Variants in ATP10B observed in about 807,000 individuals in gnomAD.
ATP10B encodes phospholipid-transporting ATPase VB.
ATP10B carries 122 observed loss-of-function variants against 141.2 expected under a neutral mutation model. The ratio of observed to expected loss-of-function variants is 0.86; its 90% CI spans 0.75 to 1.00. The LOEUF is 1.00. Ranked by LOEUF, ATP10B falls within the 50% of genes least tolerant of loss-of-function variation. ATP10B has a pLI of 0.00. For missense variants in ATP10B, 1,876 were observed against 1,825.3 expected (o/e 1.03, Z -0.51); for synonymous variants, 685 against 692.0 (o/e 0.99, Z 0.16).
At chr5:160,758,940 A>C (rs1047729787) in intron 2 of ATP10B, among the ~76,000 whole-genome samples, 7 of 152,230 alleles carry the variant, frequency 4.6e-5, no homozygotes, top group African/African-American at 1.7e-4. Context: ...GCCATGGTAC[A>C]TGATTTTCTT....
intron 2 of ATP10B, among the ~76,000 whole-genome samples, chr5:160,783,594 CACAT>C (rs1326505152): frequency 0.011 from 1,222 of 111,070 alleles, 11 homozygotes; most frequent in African/African-American, 0.028. Flanking sequence ...CACACACACA[CACAT>C]ACACACACAC....
chr5:160,733,692 CAT>C (rs33952685), intron 2 of ATP10B, among the ~76,000 whole-genome samples: 36,982 of 137,648 alleles, frequency 0.27, 4,718 homozygotes, highest in East Asian at 0.49. Context: ...TACACACACA[CAT>C]ATATATATAT....
At chr5:160,600,910 G>A (rs188422297) in intron 21 of ATP10B, among the ~76,000 whole-genome samples, 2 of 152,118 alleles carry the variant, frequency 1.3e-5, no homozygotes, top group Non-Finnish European at 2.9e-5. Context: ...CATTAGTATC[G>A]CAATTTTGAG....
chr5:160,705,477 C>T lies in ATP10B; in HGVS notation c.-205+11432G>A, dbSNP rs1764956426. Among the ~76,000 whole-genome samples, 3 of 152,094 alleles carry T rather than the reference C, an allele frequency of 2.0e-5. No individual in the cohort carries two copies. The South Asian group carries it at 6.2e-4, about 32-fold the overall frequency. On this transcript the variant is annotated intron_variant, in intron 3 of 25. Coordinates refer to ENST00000327245, the MANE Select transcript of ATP10B (RefSeq NM_025153.3). Reference sequence around the variant, plus strand: ...CTCCTGGGCTAAAGCAATCTGCCCACCTTGGGATTACAAGTGTGATTACAA... The same window carrying T: ...CTCCTGGGCTAAAGCAATCTGCCCATCTTGGGATTACAAGTGTGATTACAA...
chr5:160,859,277 G>A, the ATP10B span, among the ~76,000 whole-genome samples: 14 of 151,664 alleles, frequency 9.2e-5, no homozygotes, highest in Non-Finnish European at 1.6e-4. Flanking sequence ...AAATATTTTT[G>A]TACTTCCTTC....
chr5:160,689,140 T>A (rs1396750914), intron 3 of ATP10B, among the ~76,000 whole-genome samples, 197 bp from the exon 4 acceptor site: 1 of 152,216 alleles, frequency 6.6e-6, no homozygotes, highest in Non-Finnish European at 1.5e-5. Flanking sequence ...TATGATTACC[T>A]CAATAGATGC....
intron 24 of ATP10B, among the ~76,000 whole-genome samples, chr5:160,572,219 G>T (rs143952264): frequency 6.6e-6 from 1 of 151,398 alleles, no homozygotes; most frequent in East Asian, 1.9e-4. Context: ...AAGTTATCCA[G>T]TATTTTTTGT....
At chr5:160,795,444 T>G (rs138451287) in intron 1 of ATP10B, among the ~76,000 whole-genome samples, 166 of 152,260 alleles carry the variant, frequency 1.1e-3, no homozygotes, top group African/African-American at 3.6e-3. Context: ...CTGGCCCCTT[T>G]GTTTTCTAGC....
intron 1 of ATP10B, among the ~76,000 whole-genome samples, chr5:160,835,310 G>T (rs28525115): frequency 6.6e-6 from 1 of 152,114 alleles, no homozygotes; most frequent in African/African-American, 2.4e-5. Flanking sequence ...AACAAGCTGA[G>T]ATGTATAGCT....
At chr5:160,596,017 A>G (rs1035632733) in intron 22 of ATP10B, among the ~76,000 whole-genome samples, 1 of 152,054 alleles carries the variant, frequency 6.6e-6, no homozygotes, top group African/African-American at 2.4e-5. Flanking sequence ...ATAGAAAAAG[A>G]GGGAATCCTC....
chr5:160,772,196 TAC>T (rs1407335622), intron 2 of ATP10B, among the ~76,000 whole-genome samples: 1 of 152,252 alleles, frequency 6.6e-6, no homozygotes, highest in African/African-American at 2.4e-5. Context: ...GGAACCTCCA[TAC>T]AGTTTTCCAC....
intron 22 of ATP10B, among the ~76,000 whole-genome samples, chr5:160,596,725 C>T (rs1243231705): frequency 2.0e-5 from 3 of 152,024 alleles, no homozygotes; most frequent in Non-Finnish European, 4.4e-5. Context: ...GTGCGAAAAT[C>T]ACAAGCATTC....
chr5:160,915,258 G>A, the ATP10B span, among the ~76,000 whole-genome samples: 1 of 151,946 alleles, frequency 6.6e-6, no homozygotes, highest in African/African-American at 2.4e-5. Context: ...GGATATCTAG[G>A]GAAGGAGAAC....
intron 1 of ATP10B, among the ~76,000 whole-genome samples, chr5:160,841,229 A>C (rs1775788838): frequency 2.0e-5 from 3 of 152,224 alleles, no homozygotes. Context: ...ATGCAGTTGT[A>C]AACAAAGAAT....
chr5:160,925,008 C>A, the ATP10B span, among the ~76,000 whole-genome samples: 1 of 152,172 alleles, frequency 6.6e-6, no homozygotes, highest in Non-Finnish European at 1.5e-5. Flanking sequence ...TCATTTGCAA[C>A]AAGACACTTC....
At chr5:160,812,052 GAGA>G (rs1773209893) in intron 1 of ATP10B, among the ~76,000 whole-genome samples, 1 of 150,552 alleles carries the variant, frequency 6.6e-6, no homozygotes, top group African/African-American at 2.5e-5. Context: ...GAGAGAGAGA[GAGA>G]GAGAGGGAGA....
rs555356082 is a variant in ATP10B at position 160,740,820 on chromosome 5, A to T, written c.-330-23786T>A. On this transcript the variant is annotated intron_variant, in intron 2 of 25. Transcript: ENST00000327245. ...TCTTCACTTGGGCATTGCAAACAGT[A>T]GCAGTGGCGGAATTCTTTGGATCTT... Among the ~76,000 whole-genome samples, 16 of 152,326 alleles carry T rather than the reference A, an allele frequency of 1.1e-4. No homozygotes were observed. The South Asian group carries it at 3.1e-3, about 30-fold the overall frequency.
At chr5:160,836,918 G>A (rs1190773597) in intron 1 of ATP10B, among the ~76,000 whole-genome samples, 2 of 152,042 alleles carry the variant, frequency 1.3e-5, no homozygotes, top group Non-Finnish European at 1.5e-5. Flanking sequence ...CTCCTAGAGC[G>A]ATCAAATATT....
intron 1 of ATP10B, among the ~76,000 whole-genome samples, chr5:160,788,736 G>C (rs1435705925): frequency 6.6e-6 from 1 of 152,082 alleles, no homozygotes; most frequent in Non-Finnish European, 1.5e-5. Context: ...TTAGTGAATA[G>C]CTACAGTGGG....
Sources: allele counts gnomAD v4.1 joint callset (sites outside exome capture counted in the v4.1 genomes callset), GRCh38; gene constraint gnomAD v4.1.1; transcripts MANE v1.5; gene names NCBI Gene and HGNC (gene_info 2026-07-23, HGNC 2026-07-21).